The following CUL1 variants were observed in gnomAD, a reference collection of about 807,000 sequenced individuals.
CUL1 encodes the protein cullin-1.
In CUL1, 24 loss-of-function variants were observed where a neutral mutation model predicts 118.0. The ratio of observed to expected loss-of-function variants is 0.20; its 90% confidence interval spans 0.15 to 0.29. The LOEUF (loss-of-function observed/expected upper bound fraction) is 0.29. Ranked by LOEUF, CUL1 falls within the 10% of genes least tolerant of loss-of-function variation. The probability of loss-of-function intolerance (pLI) is 1.00; values close to 1 mark genes in which losing one functional copy is unlikely to be tolerated. For synonymous variants in CUL1, 332 were observed against 340.4 expected, an observed-to-expected ratio of 0.98 and a Z score of 0.27; for missense variants, 361 against 933.8, an observed-to-expected ratio of 0.39 and a Z score of 7.99.
At chr7:148,755,691 T>C (rs1799632617) in intron 3 of CUL1, among the ~76,000 whole-genome samples, 1 of 152,238 alleles carries the variant, frequency 6.6e-6, no homozygotes, top group South Asian at 2.1e-4. Context: ...CCATCAGTGA[T>C]ATTTTTGCAT....
intron 2 of CUL1, among the ~76,000 whole-genome samples, chr7:148,745,825 A>C (rs1430388153): frequency 6.6e-6 from 1 of 151,926 alleles, no homozygotes; most frequent in Non-Finnish European, 1.5e-5. Flanking sequence ...GTGGGATCAT[A>C]ACATTCTGGC....
chr7:148,704,795 T>A (rs1585523742), intron 1 of CUL1, among the ~76,000 whole-genome samples: 1 of 151,412 alleles, frequency 6.6e-6, no homozygotes, highest in African/African-American at 2.5e-5. Flanking sequence ...TTATTTTTAG[T>A]TTCTCTTAGC....
At chr7:148,785,657 C>G (rs971733499) in intron 11 of CUL1, among the ~76,000 whole-genome samples, 1 of 151,892 alleles carries the variant, frequency 6.6e-6, no homozygotes, top group Admixed American at 6.6e-5. Flanking sequence ...AGCCACCACA[C>G]CTGGCCTTAG....
intron 1 of CUL1, among the ~76,000 whole-genome samples, chr7:148,720,381 A>T (rs1168767526): frequency 6.6e-6 from 1 of 152,102 alleles, no homozygotes; most frequent in Non-Finnish European, 1.5e-5. Flanking sequence ...TAAGAAGGAG[A>T]TAGAATTCAT....
At chr7:148,778,316 TTAA>T (rs759555288) in intron 9 of CUL1, among the ~76,000 whole-genome samples, 1 of 152,054 alleles carries the variant, frequency 6.6e-6, no homozygotes, top group Non-Finnish European at 1.5e-5. Flanking sequence ...TTTTTGCCTA[TTAA>T]TATCAAAATT....
intron 1 of CUL1, among the ~76,000 whole-genome samples, chr7:148,708,019 T>C (rs367651681): frequency 6.6e-6 from 1 of 152,224 alleles, no homozygotes; most frequent in African/African-American, 2.4e-5. Context: ...TTCTTTTTTC[T>C]TGGGTGACCT....
At chr7:148,769,682 G>A (rs1442524588) in intron 9 of CUL1, among the ~76,000 whole-genome samples, 6 of 152,190 alleles carry the variant, frequency 3.9e-5, no homozygotes, top group East Asian at 1.9e-4. Flanking sequence ...TATATACTAG[G>A]TATGAGATTG....
intron 5 of CUL1, 46 bp from the exon 6 acceptor site, chr7:148,759,502 T>A: frequency 7.3e-7 from 1 of 1,367,756 alleles, no homozygotes; most frequent in African/African-American, 1.4e-5. Context: ...GTAATATATA[T>A]CATATTCTAT....
intron 2 of CUL1, among the ~76,000 whole-genome samples, chr7:148,747,431 C>CTCT (rs1799340994): frequency 6.6e-6 from 1 of 152,158 alleles, no homozygotes; most frequent in Admixed American, 6.5e-5. Flanking sequence ...CATTGTGAGC[C>CTCT]TCTGTGTGGC....
At chr7:148,799,827 G>A (rs1196509657) in intron 21 of CUL1, among the ~76,000 whole-genome samples, 4 of 152,212 alleles carry the variant, frequency 2.6e-5, no homozygotes, top group Non-Finnish European at 5.9e-5. Flanking sequence ...GAGGTTCGTC[G>A]CATTGCGGTA....
At chr7:148,737,600 T>G (rs939960977) in intron 2 of CUL1, among the ~76,000 whole-genome samples, 6 of 149,094 alleles carry the variant, frequency 4.0e-5, no homozygotes, top group Non-Finnish European at 8.9e-5. Flanking sequence ...ATTTATTTAT[T>G]TATTTATTTA....
intron 2 of CUL1, among the ~76,000 whole-genome samples, chr7:148,745,573 C>T (rs1018891105): frequency 3.3e-5 from 5 of 152,284 alleles, no homozygotes; most frequent in Admixed American, 1.3e-4. Flanking sequence ...AAATTGGAAT[C>T]ATGGTTTAAG....
chr7:148,750,730 T>C (rs1456334720), intron 2 of CUL1, among the ~76,000 whole-genome samples: 1 of 152,172 alleles, frequency 6.6e-6, no homozygotes, highest in African/African-American at 2.4e-5. Flanking sequence ...ACAGGCTGAC[T>C]CTCTTGGAGG....
intron 9 of CUL1, among the ~76,000 whole-genome samples, chr7:148,768,531 C>G (rs1304788230): frequency 1.3e-5 from 2 of 151,810 alleles, no homozygotes; most frequent in Non-Finnish European, 2.9e-5. Flanking sequence ...ATTACAGCCG[C>G]TCGCCACCAT....
chr7:148,761,663 T>C (rs2129460568), intron 7 of CUL1, among the ~76,000 whole-genome samples: 1 of 152,376 alleles, frequency 6.6e-6, no homozygotes, highest in Non-Finnish European at 1.5e-5. Context: ...TGTTCAACTC[T>C]GCCATTGCAG....
chr7:148,771,373 CAT>C (rs1263638095), intron 9 of CUL1, among the ~76,000 whole-genome samples: 1 of 152,154 alleles, frequency 6.6e-6, no homozygotes, highest in African/African-American at 2.4e-5. Context: ...TTTCTTAAGG[CAT>C]ATCTTTTCCC....
intron 1 of CUL1, among the ~76,000 whole-genome samples, chr7:148,705,542 G>A (rs773756371): frequency 3.3e-5 from 5 of 152,106 alleles, no homozygotes; most frequent in Non-Finnish European, 7.4e-5. Context: ...TTGCTATGTC[G>A]AAATTAATTA....
At chr7:148,723,370 G>A (rs1798456417) in intron 1 of CUL1, among the ~76,000 whole-genome samples, 1 of 152,164 alleles carries the variant, frequency 6.6e-6, no homozygotes, top group African/African-American at 2.4e-5. Context: ...CTGAGGCCCT[G>A]TGTGTCCAGC....
In CUL1 at chr7:148,787,058, A is replaced by C; in HGVS notation, c.1417A>C (p.Arg473=). ...GTTCTATGCGAAGATGCTCGCCAAG[A>C]GGCTCGTCCACCAGAACAGTGCAAG... ...QKFYAKMLAK[R]LVHQNSASDD... The change falls in exon 13 of 22, where the codon AGG becomes CGG. Residue 473 remains arginine (R), a synonymous_variant. Transcript: ENST00000325222. The surrounding 1 kb of genome is among the most constrained non-coding windows in gnomAD (Gnocchi z 5.5). 1.2e-6 allele frequency: 2 copies of C among 1,613,754 alleles called. No homozygotes were observed. Among genetic ancestry groups the C allele is most frequent in the Non-Finnish European group, 1.7e-6 (2 of 1,179,818 alleles).
Sources: allele counts gnomAD v4.1 joint callset (sites outside exome capture counted in the v4.1 genomes callset), GRCh38; gene constraint gnomAD v4.1.1; non-coding constraint Gnocchi (gnomAD v3.1); transcripts MANE v1.5; gene names NCBI Gene and HGNC (gene_info 2026-07-23, HGNC 2026-07-21).